Variants in NRXN3 observed in about 807,000 individuals in gnomAD.
NRXN3 encodes the protein neurexin 3.
A neutral mutation model predicts 137.6 loss-of-function variants in NRXN3; 32 were observed. The observed-to-expected ratio is 0.23, with a 90% CI of 0.18 to 0.31. The LOEUF (loss-of-function observed/expected upper bound fraction) is 0.31. Ranked by LOEUF, NRXN3 falls within the 10% of genes least tolerant of loss-of-function variation. The pLI, the probability that NRXN3 is intolerant of heterozygous loss-of-function variation, is 1.00. For missense variants in NRXN3, 1,574 were observed against 2,062.5 expected (o/e 0.76, Z 4.59); for synonymous variants, 798 against 784.5 (o/e 1.02, Z -0.29).
intron 15 of NRXN3, among the ~76,000 whole-genome samples, chr14:79,386,267 A>G (rs973116681): frequency 1.6e-4 from 24 of 152,176 alleles, no homozygotes; most frequent in African/African-American, 2.4e-5. Flanking sequence ...CTCAGGATAC[A>G]AAATCAATGT....
chr14:78,969,866 C>T (rs1045264904), intron 14 of NRXN3, among the ~76,000 whole-genome samples: 2 of 140,110 alleles, frequency 1.4e-5, no homozygotes, highest in Non-Finnish European at 3.1e-5. Flanking sequence ...TATAAAGGGA[C>T]AGGAGGTTGG....
At chr14:78,622,513 C>T in intron 4 of NRXN3, among the ~76,000 whole-genome samples, 1 of 152,152 alleles carries the variant, frequency 6.6e-6, no homozygotes, top group East Asian at 1.9e-4. Flanking sequence ...GAGGATTCTT[C>T]TCTCTTCTTC....
intron 1 of NRXN3, among the ~76,000 whole-genome samples, chr14:78,225,426 T>C (rs539594686): frequency 3.3e-5 from 5 of 152,054 alleles, no homozygotes; most frequent in African/African-American, 4.8e-5. Flanking sequence ...TCATGTCCTT[T>C]GCCCACTTTT....
chr14:79,037,871 G>T (rs1174577907), intron 15 of NRXN3, among the ~76,000 whole-genome samples: 2 of 152,026 alleles, frequency 1.3e-5, no homozygotes, highest in Admixed American at 6.6e-5. Flanking sequence ...AGTGTAGGAC[G>T]CTGGTACGGG....
At chr14:78,831,561 A>C (rs1331153679) in intron 10 of NRXN3, among the ~76,000 whole-genome samples, 1 of 131,028 alleles carries the variant, frequency 7.6e-6, no homozygotes, top group Non-Finnish European at 1.7e-5. Flanking sequence ...AAAAAAAAAA[A>C]CAACAACAGA....
chr14:79,241,683 A>G (rs554158637), intron 15 of NRXN3, among the ~76,000 whole-genome samples: 1 of 152,196 alleles, frequency 6.6e-6, no homozygotes, highest in Non-Finnish European at 1.5e-5. Flanking sequence ...GGCTACAGTA[A>G]TGAAAACAAC....
At chr14:78,393,721 A>G (rs1366278388) in intron 4 of NRXN3, among the ~76,000 whole-genome samples, 1 of 151,974 alleles carries the variant, frequency 6.6e-6, no homozygotes, top group Non-Finnish European at 1.5e-5. Context: ...AATCTTCACT[A>G]TGTTGGGGTT....
At chr14:79,451,663 C>T (rs1567164749) in intron 15 of NRXN3, among the ~76,000 whole-genome samples, 2 of 152,164 alleles carry the variant, frequency 1.3e-5, no homozygotes, top group Non-Finnish European at 2.9e-5. Flanking sequence ...CTAGAAGGAA[C>T]CTCTTCACTT....
chr14:79,706,579 C>T (rs780140116), intron 19 of NRXN3, among the ~76,000 whole-genome samples: 30 of 151,946 alleles, frequency 2.0e-4, no homozygotes, highest in Non-Finnish European at 2.9e-4. Flanking sequence ...AGGCTCAGAG[C>T]GAGATCTGCT....
Position 79,099,371 on chromosome 14 carries a change from G to A in NRXN3, c.3262+111230G>A, listed in dbSNP as rs1194346984. Among the ~76,000 whole-genome samples, 5 of 152,266 alleles carry A rather than the reference G, an allele frequency of 3.3e-5. No individual in the cohort carries two copies. The East Asian group carries it at 7.7e-4, about 23-fold the overall frequency. On this transcript the variant is annotated intron_variant, in intron 15 of 20. Coordinates refer to ENST00000335750, the MANE Select transcript of NRXN3 (RefSeq NM_001330195.2). ...TGAGGGAAAATGTAGGCAGAGGGGTGTAGGGTGGCCATACAATTTATAACT... is the reference window on the plus strand; with the variant it reads ...TGAGGGAAAATGTAGGCAGAGGGGTATAGGGTGGCCATACAATTTATAACT...
Position 79,663,944 on chromosome 14 carries a change from C to G in NRXN3, c.3611C>G (p.Pro1204Arg). 6.2e-7 allele frequency: 1 copy of G among 1,613,314 alleles called. No homozygotes were observed. Among genetic ancestry groups the G allele is most frequent in the Non-Finnish European group, 8.5e-7 (1 of 1,179,516 alleles). The change falls in exon 17 of 21, where the codon CCT (proline) becomes CGT (arginine). Residue 1204 changes from proline (P) to arginine (R), a missense_variant. Coordinates refer to ENST00000335750, the MANE Select transcript of NRXN3 (RefSeq NM_001330195.2). ...VDNWPVNEHY[P>R]TGNTDNERFQ... ...AACTGGCCAGTGAATGAACATTATC[C>G]TACAGGTACATGTTGTTCGCTCAAT... is the stretch of plus-strand genomic sequence containing the variant.
At chr14:78,415,425 G>A (rs555165044) in intron 4 of NRXN3, among the ~76,000 whole-genome samples, 2 of 152,238 alleles carry the variant, frequency 1.3e-5, no homozygotes, top group South Asian at 2.1e-4. Context: ...ATGAGTTGAG[G>A]GGTTGACTGG....
intron 9 of NRXN3, among the ~76,000 whole-genome samples, chr14:78,808,994 C>T (rs543239724): frequency 7.9e-5 from 12 of 152,138 alleles, no homozygotes; most frequent in Non-Finnish European, 1.6e-4. Context: ...TAGTATCTAA[C>T]GGTAAACAAA....
At chr14:79,414,517 A>G (rs961338910) in intron 15 of NRXN3, among the ~76,000 whole-genome samples, 70 of 152,160 alleles carry the variant, frequency 4.6e-4, no homozygotes, top group African/African-American at 1.6e-3. Context: ...AGTTAAAGCA[A>G]TCGTAGCAAA....
At chr14:79,481,667 CA>C (rs1308403996) in intron 16 of NRXN3, among the ~76,000 whole-genome samples, 1 of 152,196 alleles carries the variant, frequency 6.6e-6, no homozygotes, top group Non-Finnish European at 1.5e-5. Context: ...GCCAATTTAT[CA>C]AGACAGGTGA....
At chr14:78,591,349 C>G (rs552781361) in intron 4 of NRXN3, among the ~76,000 whole-genome samples, 1 of 152,144 alleles carries the variant, frequency 6.6e-6, no homozygotes, top group Non-Finnish European at 1.5e-5. Flanking sequence ...TGGAGTGGAA[C>G]CCAAGACTGT....
At chr14:79,808,254 A>AT (rs1374342966) in intron 20 of NRXN3, among the ~76,000 whole-genome samples, 2,371 of 127,296 alleles carry the variant, frequency 0.019, 26 homozygotes, top group Middle Eastern at 0.06. Flanking sequence ...AAAAAAAAAA[A>AT]AATATATATA....
intron 20 of NRXN3, among the ~76,000 whole-genome samples, chr14:79,824,092 T>A (rs1440899585): frequency 6.6e-6 from 1 of 152,232 alleles, no homozygotes; most frequent in Non-Finnish European, 1.5e-5. Flanking sequence ...AGGTGTTGTG[T>A]ACATACTTAA....
intron 16 of NRXN3, among the ~76,000 whole-genome samples, chr14:79,469,505 G>C (rs1322675089): frequency 1.3e-5 from 2 of 152,100 alleles, no homozygotes; most frequent in African/African-American, 4.8e-5. Context: ...TTCTGTATAA[G>C]CATACCCATT....
Sources: allele counts gnomAD v4.1 joint callset (sites outside exome capture counted in the v4.1 genomes callset), GRCh38; gene constraint gnomAD v4.1.1; transcripts MANE v1.5; gene names NCBI Gene and HGNC (gene_info 2026-07-23, HGNC 2026-07-21).